The following CCSER1 variants were observed in gnomAD, a reference collection of about 807,000 sequenced individuals.
CCSER1 encodes serine-rich coiled-coil domain-containing protein 1.
In CCSER1, 41 loss-of-function variants were observed where a neutral mutation model predicts 82.0. The observed-to-expected ratio is 0.50, with a 90% CI of 0.39 to 0.65. The LOEUF is 0.65. Ranked by LOEUF, CCSER1 falls within the 30% of genes least tolerant of loss-of-function variation. The probability of loss-of-function intolerance (pLI) is 0.00; values close to 1 mark genes in which losing one functional copy is unlikely to be tolerated. For missense variants in CCSER1, 1,119 were observed against 1,064.2 expected (o/e 1.05, Z -0.72); for synonymous variants, 414 against 383.9 (o/e 1.08, Z -0.92).
At chr4:90,881,552 G>C (rs1363965183) in intron 8 of CCSER1, among the ~76,000 whole-genome samples, 1 of 152,054 alleles carries the variant, frequency 6.6e-6, no homozygotes, top group Admixed American at 6.6e-5. Context: ...CGGGTGGACT[G>C]TCTGAGCTCA....
At chr4:90,318,921 C>T (rs1012367536) in intron 3 of CCSER1, among the ~76,000 whole-genome samples, 38 of 152,032 alleles carry the variant, frequency 2.5e-4, no homozygotes, top group African/African-American at 8.7e-4. Flanking sequence ...CATTATCTTG[C>T]CAATACAACA....
intron 10 of CCSER1, among the ~76,000 whole-genome samples, chr4:91,149,811 G>T (rs560949212): frequency 6.6e-6 from 1 of 152,254 alleles, no homozygotes; most frequent in Admixed American, 6.5e-5. Flanking sequence ...TGATTTCTGA[G>T]GGCTCTGTTC....
At chr4:90,303,850 C>G (rs1385368904) in intron 1 of CCSER1, among the ~76,000 whole-genome samples, 1 of 150,574 alleles carries the variant, frequency 6.6e-6, no homozygotes, top group African/African-American at 2.4e-5. Flanking sequence ...AAACTACCAT[C>G]AGAGTGAACA....
In CCSER1 at chr4:91,264,767, G is replaced by A. The variant is rs527280711; in HGVS notation, c.2217+178773G>A. Among the ~76,000 whole-genome samples the A allele has an allele frequency of 2.6e-5, 4 of 152,048 alleles. No homozygotes were observed. The South Asian group carries it at 8.3e-4, about 32-fold the overall frequency. On this transcript the variant is annotated intron_variant, in intron 10 of 10. Coordinates refer to ENST00000509176, the MANE Select transcript of CCSER1 (RefSeq NM_001145065.2). ...GTGCATTCAGGGTAGTATGGCTATA[G>A]ACTAAAAAGATTTCTTAACTAGTTT...
intron 10 of CCSER1, among the ~76,000 whole-genome samples, chr4:91,187,140 C>G (rs1734619749): frequency 6.6e-6 from 1 of 152,188 alleles, no homozygotes; most frequent in Non-Finnish European, 1.5e-5. Context: ...TGCTTTGGCT[C>G]ACACTCTGTG....
intron 5 of CCSER1, among the ~76,000 whole-genome samples, chr4:90,539,655 A>G (rs191873269): frequency 6.4e-4 from 97 of 152,246 alleles, no homozygotes; most frequent in African/African-American, 2.3e-3. Context: ...TGAATGAACT[A>G]TAAATTATAT....
chr4:91,098,184 G>T (rs1469060059), intron 10 of CCSER1, among the ~76,000 whole-genome samples: 1 of 152,078 alleles, frequency 6.6e-6, no homozygotes, highest in Non-Finnish European at 1.5e-5. Flanking sequence ...CCTAAAGAAA[G>T]GAATTATTTT....
chr4:91,094,298 C>T (rs1282200567), intron 10 of CCSER1, among the ~76,000 whole-genome samples: 2 of 152,128 alleles, frequency 1.3e-5, no homozygotes, highest in African/African-American at 4.8e-5. Context: ...AACACCTGAC[C>T]CCGGATCTTC....
chr4:90,421,185 A>G (rs531411258), intron 4 of CCSER1, among the ~76,000 whole-genome samples: 20 of 152,290 alleles, frequency 1.3e-4, no homozygotes, highest in African/African-American at 3.8e-4. Context: ...ATTAGGTTGC[A>G]ATTGTGCATA....
At chr4:91,411,514 A>ATATATATATATATATATATG (rs1753042514) in intron 10 of CCSER1, among the ~76,000 whole-genome samples, 1 of 131,118 alleles carries the variant, frequency 7.6e-6, no homozygotes, top group Non-Finnish European at 1.6e-5. Flanking sequence ...ATATATATAT[A>ATATATATATATATATATATG]TATATATATA....
intron 6 of CCSER1, among the ~76,000 whole-genome samples, chr4:90,701,005 A>C (rs966330138): frequency 1.7e-4 from 26 of 152,016 alleles, no homozygotes; most frequent in Non-Finnish European, 2.9e-4. Context: ...CCATTTGTCA[A>C]TTTTGGCTTT....
At chr4:91,430,894 T>C (rs1243322076) in intron 10 of CCSER1, among the ~76,000 whole-genome samples, 1 of 152,192 alleles carries the variant, frequency 6.6e-6, no homozygotes, top group Non-Finnish European at 1.5e-5. Flanking sequence ...GTTCTTTCAT[T>C]CATGTAAACA....
chr4:90,577,699 T>A (rs1212612440), intron 5 of CCSER1, among the ~76,000 whole-genome samples: 2 of 152,116 alleles, frequency 1.3e-5, no homozygotes, highest in Non-Finnish European at 1.5e-5. Flanking sequence ...ACTTATTTTT[T>A]AAAATTTTTG....
At chr4:90,416,758 G>C (rs554492985) in intron 4 of CCSER1, among the ~76,000 whole-genome samples, 29 of 152,126 alleles carry the variant, frequency 1.9e-4, no homozygotes, top group Admixed American at 7.9e-4. Flanking sequence ...TAAATTTTAT[G>C]TAACATTTTA....
In CCSER1 at chr4:90,777,380, T is replaced by G. The variant is rs556441224; in HGVS notation, c.2011-38382T>G. 1.5e-3 allele frequency among the ~76,000 whole-genome samples: 206 copies of G among 134,978 alleles called. 1 individual carries two copies. In the South Asian group the frequency reaches 0.023, roughly 15 times the overall value. 88.6% of individuals were successfully genotyped at this position (134,978 alleles called of 152,430 possible). On this transcript the variant is annotated intron_variant, in intron 7 of 10. Transcript: ENST00000509176. Reference sequence around the variant, plus strand: ...AAAAAAAAAAAAAAAAAAAAAAGCCTGTAAGCGTAACTTATTGGACTTTAA... The same window carrying G: ...AAAAAAAAAAAAAAAAAAAAAAGCCGGTAAGCGTAACTTATTGGACTTTAA...
At chr4:91,345,287 T>C (rs943353365) in intron 10 of CCSER1, among the ~76,000 whole-genome samples, 5 of 152,066 alleles carry the variant, frequency 3.3e-5, no homozygotes, top group African/African-American at 4.8e-5. Flanking sequence ...CTCAGGAGGC[T>C]GAGGCAGGAG....
intron 1 of CCSER1, among the ~76,000 whole-genome samples, chr4:90,302,185 G>A (rs1305380083): frequency 7.2e-5 from 11 of 152,246 alleles, no homozygotes; most frequent in Non-Finnish European, 1.2e-4. Flanking sequence ...TACAAATTGC[G>A]TATTTTATCA....
chr4:90,911,343 A>C (rs1726322821), intron 8 of CCSER1: 1 of 456,188 alleles, frequency 2.2e-6, no homozygotes, highest in African/African-American at 2.0e-5. Context: ...AGTGATATGC[A>C]TGCCCCCATT....
chr4:90,798,806 A>C (rs1756384696), intron 7 of CCSER1, among the ~76,000 whole-genome samples: 2 of 152,122 alleles, frequency 1.3e-5, no homozygotes, highest in Admixed American at 6.5e-5. Flanking sequence ...GGCTTGTATT[A>C]AGCCCTGACT....
Sources: allele counts gnomAD v4.1 joint callset (sites outside exome capture counted in the v4.1 genomes callset), GRCh38; gene constraint gnomAD v4.1.1; transcripts MANE v1.5; gene names NCBI Gene and HGNC (gene_info 2026-07-23, HGNC 2026-07-21).